The following CTSC variants were observed in gnomAD, a reference collection of about 807,000 sequenced individuals.
The protein encoded by CTSC is cathepsin C.
CTSC carries 37 observed loss-of-function variants against 40.9 expected under a neutral mutation model. The observed-to-expected ratio is 0.91, with a 90% CI of 0.70 to 1.19. CTSC has a LOEUF of 1.19. Among genes scored for constraint, CTSC ranks in the 50% most tolerant of loss-of-function variants. The probability of loss-of-function intolerance (pLI) is 0.00; values close to 1 mark genes in which losing one functional copy is unlikely to be tolerated. For synonymous variants in CTSC, 232 were observed against 207.4 expected (o/e 1.12, Z -1.02); for missense variants, 594 against 567.3 (o/e 1.05, Z -0.48).
rs1436173820 is a variant in CTSC, at chr11:88,293,995, G to A, written c.*11C>T. ...TGATGCAGATCATTATGAAATACTG[G>A]AAGGCATACCCTACAATTTAGGAAT... is the stretch of plus-strand genomic sequence containing the variant. On this transcript the variant is annotated 3_prime_UTR_variant, in exon 7 of 7. Transcript: ENST00000227266. The A allele has an allele frequency of 6.2e-7, 1 of 1,613,468 alleles. No homozygotes were observed. The highest frequency in any genetic ancestry group is 1.7e-4 in the Middle Eastern group (1 of 6,058).
chr11:88,332,389 C>A (rs1938385727), intron 2 of CTSC, among the ~76,000 whole-genome samples: 1 of 152,152 alleles, frequency 6.6e-6, no homozygotes, highest in Admixed American at 6.5e-5. Context: ...GTTTCCCCAG[C>A]TGCAGGAAAT....
rs1048773989 is a variant in CTSC, at chr11:88,310,583, A to G, written c.486-1265T>C. On this transcript the variant is annotated intron_variant, in intron 3 of 6. Coordinates refer to ENST00000227266, the MANE Select transcript of CTSC (RefSeq NM_001814.6). ...TAGAGAGAGAATTTTGATATGGTCT[A>G]AAAACCTAAGAGCACTGAAAATAAT... Among the ~76,000 whole-genome samples, 15 of 152,164 alleles carry G rather than the reference A, an allele frequency of 9.9e-5. 1 individual carries two copies. Among genetic ancestry groups the G allele is most frequent in the Admixed American group, 7.9e-4 (12 of 15,268 alleles).
At chr11:88,327,969 G>C (rs1938236646) in intron 2 of CTSC, 2 of 697,100 alleles carry the variant, frequency 2.9e-6, no homozygotes, top group Admixed American at 4.2e-5. Flanking sequence ...AGACAAGCAG[G>C]CTCAAGCAAG....
chr11:88,326,397 T>C (rs780700020), intron 2 of CTSC: 3 of 1,614,090 alleles, frequency 1.9e-6, no homozygotes, highest in South Asian at 2.2e-5. Context: ...CGTCTGTTCA[T>C]GGCTGTGGTT....
At chr11:88,335,792 GATAA>G (rs972776626) in intron 1 of CTSC, among the ~76,000 whole-genome samples, 1 of 152,136 alleles carries the variant, frequency 6.6e-6, no homozygotes, top group Non-Finnish European at 1.5e-5. Flanking sequence ...ACAACAAAAA[GATAA>G]ATAAACAGAC....
At chr11:88,302,734 C>A (rs1944381880) in intron 4 of CTSC, among the ~76,000 whole-genome samples, 1 of 150,620 alleles carries the variant, frequency 6.6e-6, no homozygotes, top group African/African-American at 2.4e-5. Flanking sequence ...GTAACCTTGA[C>A]AATTGTATAG....
At position 88,324,765 on chromosome 11, in the gene CTSC, C is replaced by T. The variant is rs1938133536; in HGVS notation, c.318+10172G>A. On this transcript the variant is annotated intron_variant, in intron 2 of 6. Coordinates refer to ENST00000227266, the MANE Select transcript of CTSC (RefSeq NM_001814.6). ...ATGTTTCTCACGGTAATAGAGAGAGCTGGGGAGGGTTTCAGAGAGCAGCGT... is the reference window on the plus strand; with the variant it reads ...ATGTTTCTCACGGTAATAGAGAGAGTTGGGGAGGGTTTCAGAGAGCAGCGT... 3.0e-6 allele frequency: 3 copies of T among 985,120 alleles called. No homozygotes were observed. In the South Asian group the frequency reaches 1.4e-4, roughly 46 times the overall value. 61.0% of individuals were successfully genotyped at this position (985,120 alleles called of 1,614,324 possible). A position where few individuals can be genotyped will look rare whatever the true frequency, so the allele number is the denominator to read the frequency against.
chr11:88,315,326 C>T (rs1213514405), intron 2 of CTSC, among the ~76,000 whole-genome samples: 1 of 152,150 alleles, frequency 6.6e-6, no homozygotes, highest in Non-Finnish European at 1.5e-5. Flanking sequence ...CACAGGAAGA[C>T]ATTCACTGCA....
intron 5 of CTSC, chr11:88,296,628 T>C: frequency 2.9e-6 from 1 of 343,066 alleles, no homozygotes; most frequent in Non-Finnish European, 5.7e-6. Context: ...GGAATACATG[T>C]GAGCTGTGGA....
rs185349219 is a variant in CTSC, at chr11:88,301,864, T to A, written c.642-1219A>T. ...GAGAGAACCACAGCTTTAGACACATTCGACTTCTTGGAGTTTCCCCAAGAC... is the reference window on the plus strand; with the variant it reads ...GAGAGAACCACAGCTTTAGACACATACGACTTCTTGGAGTTTCCCCAAGAC... On this transcript the variant is annotated intron_variant, in intron 4 of 6. Coordinates refer to ENST00000227266, the MANE Select transcript of CTSC (RefSeq NM_001814.6). Among the ~76,000 whole-genome samples, 276 of 151,678 alleles carry A rather than the reference T, an allele frequency of 1.8e-3. 1 individual carries two copies. The highest frequency in any genetic ancestry group is 3.4e-3 in the Middle Eastern group (1 of 294).
At chr11:88,302,935 CAA>C (rs971578354) in intron 4 of CTSC, among the ~76,000 whole-genome samples, 1 of 151,992 alleles carries the variant, frequency 6.6e-6, no homozygotes, top group African/African-American at 2.4e-5. Flanking sequence ...ACAATTTGGA[CAA>C]AGTCTATATA....
At chr11:88,331,107 A>T (rs1427670284) in intron 2 of CTSC, among the ~76,000 whole-genome samples, 1 of 152,228 alleles carries the variant, frequency 6.6e-6, no homozygotes, top group Non-Finnish European at 1.5e-5. Flanking sequence ...TCAATACAAA[A>T]GACTTCGGTG....
chr11:88,296,105 T>A, intron 6 of CTSC, 28 bp downstream of exon 6: 2 of 1,612,572 alleles, frequency 1.2e-6, no homozygotes, highest in Non-Finnish European at 1.7e-6. Context: ...AAATAGCTCA[T>A]AAATGGTGTC....
chr11:88,295,526 C>T (rs536459844), intron 6 of CTSC, among the ~76,000 whole-genome samples: 2 of 152,068 alleles, frequency 1.3e-5, no homozygotes, highest in African/African-American at 4.8e-5. Flanking sequence ...ACTACAAGCA[C>T]ACACCACCAC....
At chr11:88,294,849 T>C (rs1944281173) in intron 6 of CTSC, among the ~76,000 whole-genome samples, 1 of 152,222 alleles carries the variant, frequency 6.6e-6, no homozygotes, top group Non-Finnish European at 1.5e-5. Context: ...TAGATGGTAG[T>C]AGTACTTTCC....
intron 2 of CTSC, among the ~76,000 whole-genome samples, chr11:88,315,541 C>G (rs1377897977): frequency 6.6e-6 from 1 of 152,146 alleles, no homozygotes; most frequent in African/African-American, 2.4e-5. Flanking sequence ...GAACAGCATG[C>G]CCATTCATTT....
intron 2 of CTSC, chr11:88,325,038 A>G: frequency 1.0e-6 from 1 of 985,390 alleles, no homozygotes; most frequent in Non-Finnish European, 1.2e-6. Context: ...AAGTCCACCC[A>G]GACAATATGA....
intron 1 of CTSC, 94 bp downstream of exon 1, chr11:88,337,407 T>C: frequency 1.5e-6 from 2 of 1,292,156 alleles, no homozygotes; most frequent in Non-Finnish European, 2.2e-6. Flanking sequence ...CCCACAAGCG[T>C]CTGCCTGGGG....
chr11:88,296,052 T>G, intron 6 of CTSC, 81 bp downstream of exon 6: 1 of 1,456,902 alleles, frequency 6.9e-7, no homozygotes, highest in Non-Finnish European at 9.6e-7. Flanking sequence ...CTCTACTGCA[T>G]CATCCTTTTG....
Sources: allele counts gnomAD v4.1 joint callset (sites outside exome capture counted in the v4.1 genomes callset), GRCh38; gene constraint gnomAD v4.1.1; transcripts MANE v1.5; gene names NCBI Gene and HGNC (gene_info 2026-07-23, HGNC 2026-07-21).